Variants in HS2ST1 observed in about 807,000 individuals in gnomAD.
HS2ST1 encodes the protein 2-O-sulfotransferase.
Under a neutral mutation model 42.9 loss-of-function variants are expected in HS2ST1, and 18 were observed. The observed-to-expected ratio is 0.42, with a 90% CI of 0.29 to 0.62. The LOEUF is 0.62. Among genes scored for constraint, HS2ST1 ranks in the 20% least tolerant of loss-of-function variants. HS2ST1 has a pLI of 0.21. For missense variants in HS2ST1, 334 were observed against 433.8 expected, an observed-to-expected ratio of 0.77 and a Z score of 2.04; for synonymous variants, 146 against 152.9, an observed-to-expected ratio of 0.95 and a Z score of 0.33.
intron 1 of HS2ST1, among the ~76,000 whole-genome samples, chr1:86,980,244 A>C (rs1463894735): frequency 5.3e-5 from 8 of 152,230 alleles, no homozygotes. Flanking sequence ...GAGACATATG[A>C]CAAATTAATG....
intron 1 of HS2ST1, among the ~76,000 whole-genome samples, chr1:86,943,284 T>C (rs1050399901): frequency 6.6e-6 from 1 of 152,186 alleles, no homozygotes; most frequent in Non-Finnish European, 1.5e-5. Flanking sequence ...TTGCATCTTA[T>C]TATGGAGAAA....
At chr1:87,061,902 T>C (rs1257907575) in intron 1 of HS2ST1, among the ~76,000 whole-genome samples, 1 of 152,054 alleles carries the variant, frequency 6.6e-6, no homozygotes, top group Non-Finnish European at 1.5e-5. Flanking sequence ...ACATTTGTTA[T>C]TTTCCTATTC....
chr1:87,065,041 A>G (rs1179432398), intron 1 of HS2ST1, among the ~76,000 whole-genome samples: 1 of 152,206 alleles, frequency 6.6e-6, no homozygotes. Context: ...TGATTACAAA[A>G]CATTACTTCC....
chr1:87,040,217 C>T (rs1397536633), intron 1 of HS2ST1, among the ~76,000 whole-genome samples: 1 of 152,042 alleles, frequency 6.6e-6, no homozygotes, highest in Non-Finnish European at 1.5e-5. Context: ...AATAATACCT[C>T]CTTATTCTGA....
chr1:87,105,729 A>G lies in HS2ST1; in HGVS notation c.*1033A>G, dbSNP rs1338561399. Reference sequence around the variant, plus strand: ...ACAAAAGTGGTTTTGCACCAATTTTATGTCAAGTAAAACCATCAGACCTAC... The same window carrying G: ...ACAAAAGTGGTTTTGCACCAATTTTGTGTCAAGTAAAACCATCAGACCTAC... On this transcript the variant is annotated 3_prime_UTR_variant, in exon 7 of 7. Transcript: ENST00000370550. 6.6e-6 allele frequency: 1 copy of G among 152,534 alleles called. No homozygotes were observed. Among genetic ancestry groups the G allele is most frequent in the Non-Finnish European group, 1.5e-5 (1 of 67,946 alleles). 9.4% of individuals were successfully genotyped at this position (152,534 alleles called of 1,614,324 possible). A position where few individuals can be genotyped will look rare whatever the true frequency, so the allele number is the denominator to read the frequency against.
chr1:86,926,344 C>T (rs7553423), intron 1 of HS2ST1, among the ~76,000 whole-genome samples: 18,064 of 152,124 alleles, frequency 0.12, 1,754 homozygotes, highest in African/African-American at 0.27. Flanking sequence ...GTGCACTGCC[C>T]GGCAAACTTC....
chr1:87,055,591 G>T (rs915655736), intron 1 of HS2ST1, among the ~76,000 whole-genome samples: 2 of 152,148 alleles, frequency 1.3e-5, no homozygotes, highest in Non-Finnish European at 2.9e-5. Context: ...TAAAAAAATG[G>T]CTCTTTATCG....
chr1:87,051,975 A>G (rs1462545989), intron 1 of HS2ST1, among the ~76,000 whole-genome samples: 1 of 152,220 alleles, frequency 6.6e-6, no homozygotes, highest in African/African-American at 2.4e-5. Flanking sequence ...GTTTTAGGCC[A>G]GGTGCAATGG....
In HS2ST1 at chr1:87,107,836, C is replaced by T. The variant is rs1477996929; in HGVS notation, c.*3140C>T. 1 of 151,978 alleles carries T rather than the reference C, an allele frequency of 6.6e-6. No individual in the cohort carries two copies. Among genetic ancestry groups the T allele is most frequent in the Non-Finnish European group, 1.5e-5 (1 of 67,924 alleles). The allele number at this position is 151,978 out of a possible 1,614,324, so 9.4% of individuals were successfully genotyped here. On this transcript the variant is annotated 3_prime_UTR_variant, in exon 7 of 7. Coordinates refer to ENST00000370550, the MANE Select transcript of HS2ST1 (RefSeq NM_012262.4). ...TCTGTAAAGTAGCACTTAAATATAT[C>T]TGATAGCAACACTTAAGATATTGCA...
At chr1:87,035,316 G>A (rs10873816) in intron 1 of HS2ST1, among the ~76,000 whole-genome samples, 111,988 of 152,180 alleles carry the variant, frequency 0.74, 42,773 homozygotes, top group East Asian at 0.97. Context: ...TATCGGTATT[G>A]TAAGTAGTAC....
chr1:87,080,135 G>A (rs1437731004), intron 2 of HS2ST1, among the ~76,000 whole-genome samples: 1 of 152,178 alleles, frequency 6.6e-6, no homozygotes, highest in Non-Finnish European at 1.5e-5. Context: ...GATTTAGGAA[G>A]TAAAATTCAA....
rs552148460 is a variant in HS2ST1, at chr1:87,095,545, T to C, written c.589-2293T>C. Among the ~76,000 whole-genome samples the C allele has an allele frequency of 1.2e-3, 184 of 152,316 alleles. 1 individual carries two copies. The highest frequency in any genetic ancestry group is 4.1e-3 in the African/African-American group (172 of 41,584). On this transcript the variant is annotated intron_variant, in intron 4 of 6. Transcript: ENST00000370550. ...TGATTTGGGAGATTTCAAATTTGCA[T>C]ATTTTAGAACTAGAGTTTTATTTAA...
At chr1:86,955,923 A>G (rs1434122103) in intron 1 of HS2ST1, among the ~76,000 whole-genome samples, 1 of 152,162 alleles carries the variant, frequency 6.6e-6, no homozygotes, top group Non-Finnish European at 1.5e-5. Context: ...GGAGGGGTGG[A>G]GGTTGAACTG....
At chr1:86,995,789 A>G (rs891672465) in intron 1 of HS2ST1, among the ~76,000 whole-genome samples, 2 of 152,160 alleles carry the variant, frequency 1.3e-5, no homozygotes, top group Non-Finnish European at 2.9e-5. Context: ...GCAAAAAAAA[A>G]TAAGTAAATA....
intron 1 of HS2ST1, among the ~76,000 whole-genome samples, chr1:87,024,479 C>T (rs1275465261): frequency 3.5e-5 from 5 of 144,564 alleles, no homozygotes; most frequent in African/African-American, 5.2e-5. Flanking sequence ...TCAGCCTGGG[C>T]GACAGAGTGA....
rs112499569 is a variant in HS2ST1, at chr1:86,941,816, T to A, written c.124+26656T>A. 2.6e-3 allele frequency among the ~76,000 whole-genome samples: 397 copies of A among 152,248 alleles called. 3 individuals are homozygous for A. Among genetic ancestry groups the A allele is most frequent in the African/African-American group, 9.1e-3 (378 of 41,560 alleles). On this transcript the variant is annotated intron_variant, in intron 1 of 6. Coordinates refer to ENST00000370550, the MANE Select transcript of HS2ST1 (RefSeq NM_012262.4). ...AAAACTACAGCTATATCAAAGCCCC[T>A]GGTACCTGCTACTGAACCTGTTTTC...
At position 87,107,958 on chromosome 1, in the gene HS2ST1, T is replaced by C. The variant is rs1192583281; in HGVS notation, c.*3262T>C. On this transcript the variant is annotated 3_prime_UTR_variant, in exon 7 of 7. Coordinates refer to ENST00000370550, the MANE Select transcript of HS2ST1 (RefSeq NM_012262.4). ...ATGATTGGATTTAAGCTATTGAAAATTGGATAATTTAAACTTAATGATTTT... is the reference window on the plus strand; with the variant it reads ...ATGATTGGATTTAAGCTATTGAAAACTGGATAATTTAAACTTAATGATTTT... The C allele has an allele frequency of 2.6e-5, 4 of 152,004 alleles. No individual in the cohort carries two copies. The highest frequency in any genetic ancestry group is 2.0e-4 in the Admixed American group (3 of 15,246). The allele number at this position is 152,004 out of a possible 1,614,324, so 9.4% of individuals were successfully genotyped here. A position where few individuals can be genotyped will look rare whatever the true frequency, so the allele number is the denominator to read the frequency against.
chr1:86,963,856 G>A (rs867621687), intron 1 of HS2ST1, among the ~76,000 whole-genome samples: 7 of 147,624 alleles, frequency 4.7e-5, no homozygotes, highest in South Asian at 2.2e-4. Flanking sequence ...CCTCCCGCCC[G>A]GACGGGGTGG....
At chr1:86,984,451 T>TG (rs1557504301) in intron 1 of HS2ST1, among the ~76,000 whole-genome samples, 1 of 152,118 alleles carries the variant, frequency 6.6e-6, no homozygotes, top group Non-Finnish European at 1.5e-5. Flanking sequence ...TGAGAGAAAA[T>TG]GGAGGTCAGG....
Sources: gnomAD v4.1 joint callset for allele counts (sites outside exome capture counted in the v4.1 genomes callset) on GRCh38, gnomAD v4.1.1 for gene constraint, MANE v1.5 for transcripts, NCBI Gene and HGNC (gene_info 2026-07-23, HGNC 2026-07-21) for gene names.